Variants in CCDC148 observed in about 807,000 individuals in gnomAD.
CCDC148 encodes coiled-coil domain containing 148.
CCDC148 carries 89 observed loss-of-function variants against 85.7 expected under a neutral mutation model. The observed-to-expected ratio is 1.04, with a 90% CI of 0.87 to 1.24. The LOEUF is 1.24. CCDC148 is among the 50% of genes most tolerant of loss of function. The probability of loss-of-function intolerance (pLI) is 0.00; values close to 1 mark genes in which losing one functional copy is unlikely to be tolerated. For synonymous variants in CCDC148, 230 were observed against 213.9 expected (o/e 1.08, Z -0.66); for missense variants, 692 against 671.7 (o/e 1.03, Z -0.33).
intron 1 of CCDC148, among the ~76,000 whole-genome samples, chr2:158,388,391 T>C (rs368955130): frequency 1.3e-5 from 2 of 152,226 alleles, no homozygotes; most frequent in African/African-American, 2.4e-5. Flanking sequence ...CTCAAGAGCA[T>C]GAACTCTGGA....
At chr2:158,228,988 A>AG (rs1687713901) in intron 10 of CCDC148, among the ~76,000 whole-genome samples, 3 of 670 alleles carry the variant, frequency 4.5e-3, no homozygotes, top group South Asian at 0.038. Context: ...AGAAAATGAA[A>AG]GAAAAAAAAA....
At chr2:158,220,133 A>T (rs1687095680) in intron 11 of CCDC148, among the ~76,000 whole-genome samples, 1 of 151,960 alleles carries the variant, frequency 6.6e-6, no homozygotes, top group Non-Finnish European at 1.5e-5. Context: ...TACTTCTAGG[A>T]AATTCCAGAT....
At position 158,280,990 on chromosome 2, in the gene CCDC148, A is replaced by G. The variant is rs1690260429; in HGVS notation, c.1110+28443T>C. On this transcript the variant is annotated intron_variant, in intron 9 of 13. Transcript: ENST00000283233. ...TAAGGAACTCACTCAAAACTGCTCA[A>G]CTACATGGAAACTGAACAACCTGCT... 2.6e-5 allele frequency among the ~76,000 whole-genome samples: 4 copies of G among 152,344 alleles called. No individual in the cohort carries two copies. In the South Asian group the frequency reaches 8.3e-4, roughly 32 times the overall value.
chr2:158,213,860 C>G (rs370450247), intron 11 of CCDC148, among the ~76,000 whole-genome samples: 16 of 152,234 alleles, frequency 1.1e-4, no homozygotes, highest in African/African-American at 3.9e-4. Context: ...GAACTCTACA[C>G]TGCAGTGACC....
At chr2:158,331,950 C>T (rs971592383) in intron 7 of CCDC148, among the ~76,000 whole-genome samples, 1 of 152,006 alleles carries the variant, frequency 6.6e-6, no homozygotes, top group African/African-American at 2.4e-5. Flanking sequence ...TGGGTCTTGA[C>T]TCTTTATCCA....
intron 1 of CCDC148, among the ~76,000 whole-genome samples, chr2:158,449,035 C>T (rs1200629923): frequency 6.6e-6 from 1 of 151,854 alleles, no homozygotes; most frequent in Non-Finnish European, 1.5e-5. Flanking sequence ...ACCATGTTGG[C>T]CAGGCTGCTC....
chr2:158,260,007 C>G (rs1336823198), intron 9 of CCDC148, among the ~76,000 whole-genome samples: 1 of 151,940 alleles, frequency 6.6e-6, no homozygotes, highest in African/African-American at 2.4e-5. Flanking sequence ...TTTTAACTAC[C>G]TACTTTGTTT....
intron 9 of CCDC148, among the ~76,000 whole-genome samples, chr2:158,251,520 T>C (rs754975790): frequency 6.6e-6 from 1 of 151,846 alleles, no homozygotes; most frequent in Non-Finnish European, 1.5e-5. Flanking sequence ...CACAACCCTA[T>C]TTCCAGAATA....
chr2:158,186,338 ACCTTGAACTGAGGATTCCCGTT>A (rs1412902533), intron 11 of CCDC148, among the ~76,000 whole-genome samples: 1 of 151,984 alleles, frequency 6.6e-6, no homozygotes, highest in Non-Finnish European at 1.5e-5. Flanking sequence ...CCCTGCCAAC[ACCTTGAACTGAGGATTCCCGTT>A]ATATGCCTCC....
chr2:158,388,480 C>T (rs753855846), intron 1 of CCDC148, among the ~76,000 whole-genome samples: 9 of 151,980 alleles, frequency 5.9e-5, no homozygotes, highest in Non-Finnish European at 1.3e-4. Context: ...GTTTTTCTAT[C>T]TTTATTTTTA....
At chr2:158,380,761 G>C (rs1684837567) in intron 1 of CCDC148, 1 of 152,096 alleles carries the variant, frequency 6.6e-6, no homozygotes, top group Non-Finnish European at 1.5e-5. Flanking sequence ...ATTGGAGCAA[G>C]GATGGGCAAA....
chr2:158,406,629 T>TTTTTTGTTTTTTTTTTTG (rs1553518870), intron 1 of CCDC148, among the ~76,000 whole-genome samples: 2 of 117,490 alleles, frequency 1.7e-5, no homozygotes, highest in Non-Finnish European at 1.8e-5. Context: ...TTTTTTTTTT[T>TTTTTTGTTTTTTTTTTTG]TTTTTTTTTT....
intron 7 of CCDC148, among the ~76,000 whole-genome samples, chr2:158,318,392 TA>T (rs926737908): frequency 2.6e-5 from 4 of 151,020 alleles, no homozygotes; most frequent in Non-Finnish European, 5.9e-5. Flanking sequence ...AACAAACAAT[TA>T]AAAAAAAAGT....
At chr2:158,206,267 A>G (rs193062462) in intron 11 of CCDC148, among the ~76,000 whole-genome samples, 1 of 152,324 alleles carries the variant, frequency 6.6e-6, no homozygotes, top group Admixed American at 6.5e-5. Context: ...GTACCTAAGC[A>G]GTACCAACTC....
At chr2:158,280,790 A>G (rs1441083804) in intron 9 of CCDC148, among the ~76,000 whole-genome samples, 2 of 152,200 alleles carry the variant, frequency 1.3e-5, no homozygotes, top group Admixed American at 6.5e-5. Context: ...ATACACATCT[A>G]CAGAACTCTC....
intron 1 of CCDC148, among the ~76,000 whole-genome samples, chr2:158,449,986 CTTCA>C (rs992790228): frequency 5.9e-5 from 5 of 85,426 alleles, no homozygotes; most frequent in African/African-American, 1.4e-4. Flanking sequence ...ATATTGTCAT[CTTCA>C]TTTTTTTTTT....
intron 9 of CCDC148, among the ~76,000 whole-genome samples, chr2:158,283,480 C>A (rs1559042641): frequency 2.0e-5 from 3 of 152,208 alleles, no homozygotes; most frequent in Non-Finnish European, 4.4e-5. Flanking sequence ...TGAATAGACA[C>A]TTCTCAAAAG....
At chr2:158,360,025 C>T (rs1404432915) in intron 1 of CCDC148, among the ~76,000 whole-genome samples, 1 of 152,196 alleles carries the variant, frequency 6.6e-6, no homozygotes, top group Non-Finnish European at 1.5e-5. Flanking sequence ...CTTGAGTAGG[C>T]GGTTTCCCCC....
chr2:158,268,060 A>G (rs1265597344), intron 9 of CCDC148, among the ~76,000 whole-genome samples: 2 of 152,186 alleles, frequency 1.3e-5, no homozygotes, highest in Non-Finnish European at 2.9e-5. Context: ...ACACACATTC[A>G]TGTGCAGGTT....
Sources: gnomAD v4.1 joint callset for allele counts (sites outside exome capture counted in the v4.1 genomes callset) on GRCh38, gnomAD v4.1.1 for gene constraint, MANE v1.5 for transcripts, NCBI Gene and HGNC (gene_info 2026-07-23, HGNC 2026-07-21) for gene names.